Variants in MRPS25 observed in about 807,000 individuals in gnomAD.
MRPS25 encodes the protein mitochondrial ribosomal protein S25.
Under a neutral mutation model 17.3 loss-of-function variants are expected in MRPS25, and 15 were observed. The observed-to-expected ratio is 0.87, with a 90% CI of 0.58 to 1.34. MRPS25 has a LOEUF of 1.34. Ranked by LOEUF, MRPS25 falls within the 40% of genes most tolerant of loss-of-function variation. The pLI, the probability that MRPS25 is intolerant of heterozygous loss-of-function variation, is 0.00. For synonymous variants in MRPS25, 94 were observed against 83.3 expected (o/e 1.13, Z -0.70); for missense variants, 225 against 218.6 (o/e 1.03, Z -0.19).
chr3:15,061,512 TC>T (rs1169408798), intron 1 of MRPS25, among the ~76,000 whole-genome samples: 3 of 152,198 alleles, frequency 2.0e-5, no homozygotes, highest in Admixed American at 1.3e-4. Context: ...TCTGGTTCAC[TC>T]AGTGCTCAAT....
downstream of MRPS25, chr3:15,047,707 TAAAC>T (rs1280868831): frequency 6.6e-6 from 1 of 152,334 alleles, no homozygotes; most frequent in South Asian, 2.1e-4. Context: ...CAGTTAAAAA[TAAAC>T]AACCTACCAA....
chr3:15,053,789 C>T (rs1040394182), intron 2 of MRPS25, among the ~76,000 whole-genome samples: 3 of 152,020 alleles, frequency 2.0e-5, no homozygotes, highest in African/African-American at 7.3e-5. Flanking sequence ...TATCAAAATC[C>T]CAAGCGGTGT....
Position 15,052,530 on chromosome 3 carries a change from C to T in MRPS25, c.433G>A (p.Gly145Arg). Reference protein sequence around the residue: ...CLRECICEVEGQVPCPSLVPL... With the variant: ...CLRECICEVERQVPCPSLVPL... Reference sequence around the variant, plus strand: ...ACCAGGCTGGGGCAGGGCACCTGCCCTTCCACTTCACAGATGCACTCCCGC... The same window carrying T: ...ACCAGGCTGGGGCAGGGCACCTGCCTTTCCACTTCACAGATGCACTCCCGC... The change falls in exon 4 of 4, where the codon GGG (glycine) becomes AGG (arginine). Residue 145 changes from glycine (G) to arginine (R), a missense_variant. Gly to Arg is a moderately radical substitution (Grantham distance 125, BLOSUM62 -2). Coordinates refer to ENST00000253686, the MANE Select transcript of MRPS25 (RefSeq NM_022497.5). The T allele has an allele frequency of 1.9e-6, 3 of 1,614,184 alleles. No individual in the cohort carries two copies. The South Asian group carries it at 3.3e-5, about 18-fold the overall frequency.
rs2042629267 is a variant in MRPS25 at position 15,053,304 on chromosome 3, T to C, written c.329+76A>G. The C allele has an allele frequency of 2.5e-6, 4 of 1,603,600 alleles. No individual in the cohort carries two copies. The Admixed American group carries it at 5.1e-5, about 21-fold the overall frequency. On this transcript the variant is annotated intron_variant, in intron 3 of 3. Transcript: ENST00000253686. ...AGAGAATCTTACCTCTCAACACCCTTCCCACACACCCCTTTCTTCCTCAAA... is the reference window on the plus strand; with the variant it reads ...AGAGAATCTTACCTCTCAACACCCTCCCCACACACCCCTTTCTTCCTCAAA...
intron 1 of MRPS25, among the ~76,000 whole-genome samples, chr3:15,061,745 G>C (rs537462263): frequency 4.7e-5 from 7 of 150,150 alleles, no homozygotes; most frequent in Non-Finnish European, 8.9e-5. Context: ...GTCTCTGCCC[G>C]GCCGCCCATC....
At chr3:15,053,188 C>T in intron 3 of MRPS25, 192 bp downstream of exon 3, 1 of 1,306,464 alleles carries the variant, frequency 7.7e-7, no homozygotes, top group Non-Finnish European at 1.0e-6. Context: ...GGAGATAAAG[C>T]TTACAGAGGT....
chr3:15,059,986 CA>C (rs36115372), intron 1 of MRPS25, among the ~76,000 whole-genome samples: 37,138 of 116,146 alleles, frequency 0.32, 4,695 homozygotes, highest in Middle Eastern at 0.41. Context: ...AAAGGCCTTG[CA>C]AAAAAAAAAA....
At chr3:15,058,666 T>C (rs903925666) in intron 2 of MRPS25, among the ~76,000 whole-genome samples, 1 of 152,202 alleles carries the variant, frequency 6.6e-6, no homozygotes, top group Non-Finnish European at 1.5e-5. Context: ...GGTCATTTTG[T>C]TTCCTGAAGC....
downstream of MRPS25, chr3:15,047,915 C>T (rs924331681): frequency 6.6e-6 from 1 of 152,234 alleles, no homozygotes; most frequent in Middle Eastern, 3.4e-3. Context: ...CTACAGATAC[C>T]AAATTTTCCT....
At position 15,051,886 on chromosome 3, in the gene MRPS25, C is replaced by CA; in HGVS notation, c.*554dup. ...ATCTCTGGCCCATGGCTAGGCCCCC[C>CA]AGCAGGCAAGGGTAATCAACTGTAC... On this transcript the variant is annotated 3_prime_UTR_variant, in exon 4 of 4. Coordinates refer to ENST00000253686, the MANE Select transcript of MRPS25 (RefSeq NM_022497.5). 1.0e-6 allele frequency: 1 copy of CA among 985,562 alleles called. No individual in the cohort carries two copies. The highest frequency in any genetic ancestry group is 1.2e-6 in the Non-Finnish European group (1 of 830,002). 61.1% of individuals were successfully genotyped at this position (985,562 alleles called of 1,614,324 possible).
At chr3:15,052,705 G>GA (rs1437004958) in intron 3 of MRPS25, 72 bp from the exon 4 acceptor site, 17 of 1,491,608 alleles carry the variant, frequency 1.1e-5, no homozygotes, top group Non-Finnish European at 1.3e-5. Flanking sequence ...TTTCTCAGCC[G>GA]AGACAACCCC....
downstream of MRPS25, chr3:15,043,420 T>A (rs2042341998): frequency 6.5e-6 from 1 of 153,532 alleles, no homozygotes; most frequent in African/African-American, 2.4e-5. Flanking sequence ...GGTAATAATA[T>A]TAGCACTTTC....
intron 2 of MRPS25, among the ~76,000 whole-genome samples, chr3:15,057,007 T>G (rs796533593): frequency 6.6e-6 from 1 of 152,158 alleles, no homozygotes; most frequent in Non-Finnish European, 1.5e-5. Context: ...TGTCCACAGA[T>G]AGAGACCTGC....
Position 15,051,421 on chromosome 3 carries a change from T to C in MRPS25, c.*1020A>G. 1.2e-6 allele frequency: 1 copy of C among 859,578 alleles called. No individual in the cohort carries two copies. The highest frequency in any genetic ancestry group is 1.4e-6 in the Non-Finnish European group (1 of 715,200). 53.2% of individuals were successfully genotyped at this position (859,578 alleles called of 1,614,324 possible). Reference sequence around the variant, plus strand: ...CTGGTCTCGAACTCCTGGGCTCAACTATCCGCCCACATCAGCCTCCCAAAG... The same window carrying C: ...CTGGTCTCGAACTCCTGGGCTCAACCATCCGCCCACATCAGCCTCCCAAAG... On this transcript the variant is annotated 3_prime_UTR_variant, in exon 4 of 4. Transcript: ENST00000253686.
chr3:15,062,083 A>T (rs2042773585), intron 1 of MRPS25, among the ~76,000 whole-genome samples: 1 of 145,150 alleles, frequency 6.9e-6, no homozygotes, highest in Admixed American at 6.8e-5. Flanking sequence ...CCCGTCTGGG[A>T]GGGAGGTAGG....
In MRPS25 at chr3:15,050,089, T is replaced by C. The variant is rs927180908; in HGVS notation, c.*2352A>G. ...ATATTTTAAACCCATCTTTCATCAC[T>C]ACTAAACAAAATAGGGAAAGACAAA... is the stretch of plus-strand genomic sequence containing the variant. On this transcript the variant is annotated 3_prime_UTR_variant, in exon 4 of 4. Coordinates refer to ENST00000253686, the MANE Select transcript of MRPS25 (RefSeq NM_022497.5). The C allele has an allele frequency of 1.4e-6, 2 of 1,411,548 alleles. No individual in the cohort carries two copies. Among genetic ancestry groups the C allele is most frequent in the Middle Eastern group, 1.9e-4 (1 of 5,396 alleles). The allele number at this position is 1,411,548 out of a possible 1,614,324, so 87.4% of individuals were successfully genotyped here. A position where few individuals can be genotyped will look rare whatever the true frequency, so the allele number is the denominator to read the frequency against.
At chr3:15,043,049 A>G (rs2125106187), downstream of MRPS25, 2 of 1,566,460 alleles carry the variant, frequency 1.3e-6, no homozygotes. Flanking sequence ...GAATCCTTCC[A>G]GGACCGTTCA....
chr3:15,059,723 C>T (rs538723654), intron 1 of MRPS25, among the ~76,000 whole-genome samples: 2 of 152,242 alleles, frequency 1.3e-5, no homozygotes, highest in Non-Finnish European at 2.9e-5. Context: ...AACACCAATG[C>T]CAAAGCACCA....
At position 15,065,074 on chromosome 3, in the gene MRPS25, C is replaced by G; in HGVS notation, c.121G>C (p.Gly41Arg). The change falls in exon 1 of 4, where the codon GGC becomes CGC. Residue 41 changes from glycine to arginine, a missense_variant. Physicochemically the swap from Gly to Arg is moderately radical, Grantham distance 125 (BLOSUM62 -2). Coordinates refer to ENST00000253686, the MANE Select transcript of MRPS25 (RefSeq NM_022497.5). ...GCTGCGACTGACCTGGCGCCCTCGC[C>G]CAGCTCCCCATGCGTGTTGTAATTC... is the stretch of plus-strand genomic sequence containing the variant. ...TVNYNTHGELGEGARKFVFFN... is the reference protein window; with the variant it reads ...TVNYNTHGELREGARKFVFFN... The G allele has an allele frequency of 6.3e-7, 1 of 1,597,114 alleles. No homozygotes were observed. Among genetic ancestry groups the G allele is most frequent in the South Asian group, 1.1e-5 (1 of 88,452 alleles).
Sources: gnomAD v4.1 joint callset for allele counts (sites outside exome capture counted in the v4.1 genomes callset) on GRCh38, gnomAD v4.1.1 for gene constraint, MANE v1.5 for transcripts, NCBI Gene and HGNC (gene_info 2026-07-23, HGNC 2026-07-21) for gene names.